Variants in GABBR2 observed in about 807,000 individuals in gnomAD.
GABBR2 encodes gamma-aminobutyric acid type B receptor subunit 2.
GABBR2 carries 23 observed loss-of-function variants against 105.6 expected under a neutral mutation model. The observed-to-expected ratio is 0.22, with a 90% CI of 0.16 to 0.31. The LOEUF is 0.31. GABBR2 is among the 10% of genes least tolerant of loss of function. The probability of loss-of-function intolerance (pLI) is 1.00; values close to 1 mark genes in which losing one functional copy is unlikely to be tolerated. For missense variants in GABBR2, 734 were observed against 1,245.5 expected (o/e 0.59, Z 6.18); for synonymous variants, 478 against 499.7 (o/e 0.96, Z 0.58).
In GABBR2 at chr9:98,680,115, G is replaced by A. The variant is rs113497377; in HGVS notation, c.321+28302C>T. ...AGTGAGGGAAAAAACATCTTTTCTT[G>A]TCCTGCAAATGAACAACTACGATTT... On this transcript the variant is annotated intron_variant, in intron 1 of 18. Transcript: ENST00000259455. Among the ~76,000 whole-genome samples the A allele has an allele frequency of 7.4e-3, 1,124 of 152,042 alleles. 4 individuals are homozygous for A. The highest frequency in any genetic ancestry group is 0.011 in the Non-Finnish European group (769 of 67,972).
chr9:98,425,568 A>G (rs1427616780), intron 7 of GABBR2, among the ~76,000 whole-genome samples: 1 of 152,198 alleles, frequency 6.6e-6, no homozygotes, highest in Admixed American at 6.5e-5. Context: ...TCCTACTGCA[A>G]GGCCAAGTGC....
intron 13 of GABBR2, among the ~76,000 whole-genome samples, chr9:98,312,597 G>T (rs965134562): frequency 2.0e-5 from 3 of 152,136 alleles, no homozygotes; most frequent in Non-Finnish European, 2.9e-5. Flanking sequence ...AAATGTTCAC[G>T]CAGTGGTTTC....
intron 7 of GABBR2, among the ~76,000 whole-genome samples, chr9:98,416,347 C>A (rs4743221): frequency 0.78 from 118,154 of 152,132 alleles, 46,013 homozygotes; most frequent in East Asian, 0.89. Flanking sequence ...CACAAATCAG[C>A]ATGGGACTAG....
At chr9:98,579,816 C>T (rs1020417484) in intron 1 of GABBR2, among the ~76,000 whole-genome samples, 1 of 152,158 alleles carries the variant, frequency 6.6e-6, no homozygotes, top group African/African-American at 2.4e-5. Context: ...AAACCACAAC[C>T]TTTGGGGATA....
chr9:98,537,978 C>G (rs1828214212), intron 3 of GABBR2, among the ~76,000 whole-genome samples: 1 of 152,156 alleles, frequency 6.6e-6, no homozygotes, highest in Non-Finnish European at 1.5e-5. Flanking sequence ...TGTCATTGAT[C>G]TCTGGTCCTC....
intron 12 of GABBR2, 92 bp from the exon 13 acceptor site, chr9:98,362,929 C>A: frequency 9.0e-7 from 1 of 1,112,584 alleles, no homozygotes; most frequent in South Asian, 2.3e-5. Flanking sequence ...GAACCTGCAT[C>A]ATGAACCCCC....
intron 1 of GABBR2, among the ~76,000 whole-genome samples, chr9:98,668,277 A>G (rs991096031): frequency 6.6e-6 from 1 of 152,130 alleles, no homozygotes; most frequent in African/African-American, 2.4e-5. Flanking sequence ...AGACATTTTT[A>G]AATTCTGTAT....
chr9:98,652,423 C>A (rs1367827472), intron 1 of GABBR2, among the ~76,000 whole-genome samples: 1 of 152,142 alleles, frequency 6.6e-6, no homozygotes, highest in African/African-American at 2.4e-5. Context: ...CAGATGAGGA[C>A]CCTGAGTCCC....
chr9:98,290,719 G>A lies in GABBR2; in HGVS notation c.2691C>T (p.Pro897=). Residue 897 remains proline, a synonymous_variant, in exon 19 of 19, where the codon CCC becomes CCT. Transcript: ENST00000259455. ...HIQRRLSLQL[P]ILHHAYLPSI... is the part of the protein sequence containing the mutation. Reference sequence around the variant, plus strand: ...ATGGGAGGTAGGCGTGGTGGAGGATGGGGAGCTGGAGGGACAGCCGACGCT... The same window carrying A: ...ATGGGAGGTAGGCGTGGTGGAGGATAGGGAGCTGGAGGGACAGCCGACGCT... 2 of 1,491,046 alleles carry A rather than the reference G, an allele frequency of 1.3e-6. No homozygotes were observed. The highest frequency in any genetic ancestry group is 2.7e-5 in the East Asian group (1 of 36,516). 92.4% of individuals were successfully genotyped at this position (1,491,046 alleles called of 1,614,324 possible).
At chr9:98,567,821 T>C (rs1295216190) in intron 2 of GABBR2, among the ~76,000 whole-genome samples, 2 of 152,176 alleles carry the variant, frequency 1.3e-5, no homozygotes, top group Admixed American at 1.3e-4. Context: ...AGCTTCGGAA[T>C]TCCAGTCCTC....
At chr9:98,678,450 C>T (rs1830501872) in intron 1 of GABBR2, among the ~76,000 whole-genome samples, 1 of 152,168 alleles carries the variant, frequency 6.6e-6, no homozygotes, top group Admixed American at 6.5e-5. Context: ...AAGCCTGCCC[C>T]TGCTGGCAGC....
intron 4 of GABBR2, among the ~76,000 whole-genome samples, chr9:98,487,301 C>A (rs745949032): frequency 2.0e-5 from 3 of 152,060 alleles, no homozygotes; most frequent in Non-Finnish European, 4.4e-5. Flanking sequence ...GTGGGAGTGG[C>A]AGTTCTCATC....
At chr9:98,551,570 C>T (rs148670878) in intron 2 of GABBR2, among the ~76,000 whole-genome samples, 1 of 152,092 alleles carries the variant, frequency 6.6e-6, no homozygotes, top group Admixed American at 6.6e-5. Context: ...TCAAACACAG[C>T]AAGTTTTGGA....
At chr9:98,699,436 C>T (rs947675396) in intron 1 of GABBR2, among the ~76,000 whole-genome samples, 9 of 152,130 alleles carry the variant, frequency 5.9e-5, no homozygotes, top group Admixed American at 5.9e-4. Context: ...AGAAAGCTCA[C>T]CCTCACATGG....
intron 1 of GABBR2, among the ~76,000 whole-genome samples, chr9:98,640,427 C>T (rs1564138457): frequency 6.6e-6 from 1 of 152,128 alleles, no homozygotes; most frequent in South Asian, 2.1e-4. Flanking sequence ...GGGCAGATTA[C>T]CCTCATCTGG....
At chr9:98,369,307 G>A (rs893034204) in intron 12 of GABBR2, among the ~76,000 whole-genome samples, 3 of 152,104 alleles carry the variant, frequency 2.0e-5, no homozygotes, top group Non-Finnish European at 4.4e-5. Flanking sequence ...TTCGGGTGTG[G>A]GGCAGGGGGC....
intron 6 of GABBR2, among the ~76,000 whole-genome samples, chr9:98,464,220 G>C (rs960658706): frequency 6.6e-6 from 1 of 151,222 alleles, no homozygotes; most frequent in African/African-American, 2.4e-5. Context: ...CATCATCTGG[G>C]ATGTGAGGAG....
chr9:98,399,601 C>T (rs1468133767), intron 8 of GABBR2, among the ~76,000 whole-genome samples: 1 of 152,182 alleles, frequency 6.6e-6, no homozygotes, highest in Non-Finnish European at 1.5e-5. Flanking sequence ...CAACCAGTGC[C>T]AGCCAGCACC....
At position 98,708,726 on chromosome 9, in the gene GABBR2, C is replaced by G. The variant is rs1830938419; in HGVS notation, c.12G>C (p.Pro4=). Reference sequence around the variant, plus strand: ...GCGGCCCGGGCTGCCCGGAGCTCCGCGGGGAAGCCATGCCGCGCCGCGGGC... The same window carrying G: ...GCGGCCCGGGCTGCCCGGAGCTCCGGGGGGAAGCCATGCCGCGCCGCGGGC... MAS[P]RSSGQPGPPP... The change falls in exon 1 of 19, where the codon CCG becomes CCC. Residue 4 remains proline, a synonymous_variant. Transcript: ENST00000259455. The G allele has an allele frequency of 4.0e-6, 4 of 988,118 alleles. No homozygotes were observed. The highest frequency in any genetic ancestry group is 4.8e-6 in the Non-Finnish European group (4 of 834,136). The allele number at this position is 988,118 out of a possible 1,614,324, so 61.2% of individuals were successfully genotyped here.
Sources: allele counts gnomAD v4.1 joint callset (sites outside exome capture counted in the v4.1 genomes callset), GRCh38; gene constraint gnomAD v4.1.1; transcripts MANE v1.5; gene names NCBI Gene and HGNC (gene_info 2026-07-23, HGNC 2026-07-21).